The following CELF2 variants were observed in gnomAD, a reference collection of about 807,000 sequenced individuals.
CELF2 encodes CUGBP Elav-like family member 2, also known as CUG triplet repeat RNA-binding protein 2.
A neutral mutation model predicts 62.6 loss-of-function variants in CELF2; 8 were observed. That is an observed-to-expected ratio of 0.13 (90% confidence interval 0.07 to 0.23). CELF2 has a LOEUF of 0.23. Ranked by LOEUF, CELF2 falls within the 10% of genes least tolerant of loss-of-function variation. The pLI is 1.00. For missense variants in CELF2, 333 were observed against 671.0 expected (o/e 0.50, Z 5.56); for synonymous variants, 258 against 250.0 (o/e 1.03, Z -0.30).
the CELF2 span, among the ~76,000 whole-genome samples, chr10:10,721,268 A>C: frequency 1.3e-5 from 2 of 152,246 alleles, no homozygotes; most frequent in Non-Finnish European, 2.9e-5. Flanking sequence ...AATCTTTAAA[A>C]GTAGCCAAAT....
chr10:10,880,640 G>T (rs1036343630), intron 1 of CELF2, among the ~76,000 whole-genome samples: 1 of 152,132 alleles, frequency 6.6e-6, no homozygotes, highest in Non-Finnish European at 1.5e-5. Context: ...GCTAAGAAGC[G>T]AACAGACTGG....
rs756810862 is a variant in CELF2 at position 11,137,660 on chromosome 10, C to T, written c.75-27826C>T. Among the ~76,000 whole-genome samples, 3 of 152,106 alleles carry T rather than the reference C, an allele frequency of 2.0e-5. No individual in the cohort carries two copies. In the East Asian group the frequency reaches 5.8e-4, roughly 29 times the overall value. On this transcript the variant is annotated intron_variant, in intron 1 of 12. Transcript: ENST00000633077. ...TTATTGACTCTCATTACATCATCAT[C>T]ATTTTCTCAGTTAGTTAAAAGAGCC...
At position 11,242,842 on chromosome 10, in the gene CELF2, A is replaced by T. The variant is rs540999167; in HGVS notation, c.355-6311A>T. On this transcript the variant is annotated intron_variant, in intron 3 of 12. Coordinates refer to ENST00000633077, the MANE Select transcript of CELF2 (RefSeq NM_001326342.2). The surrounding 1 kb of genome is among the most constrained non-coding windows in gnomAD (Gnocchi z 4.8). ...GGACCATGGGCTGCTTATCCCCAGG[A>T]GGTGGGACGAAGGGGGAGGCCTGAT... 2.6e-5 allele frequency among the ~76,000 whole-genome samples: 4 copies of T among 152,074 alleles called. No homozygotes were observed. The highest frequency in any genetic ancestry group is 1.3e-4 in the Admixed American group (2 of 15,254).
chr10:11,230,516 T>A (rs1589458413), intron 3 of CELF2, among the ~76,000 whole-genome samples: 1 of 152,222 alleles, frequency 6.6e-6, no homozygotes, highest in Non-Finnish European at 1.5e-5. Context: ...AGAGAGATCC[T>A]CTGGAGAGGC....
intron 1 of CELF2, among the ~76,000 whole-genome samples, chr10:11,059,201 C>T (rs1223404365): frequency 6.6e-6 from 1 of 152,216 alleles, no homozygotes; most frequent in African/African-American, 2.4e-5. Context: ...TTCACCATGG[C>T]TCATCACATG....
At chr10:10,466,349 C>T in the CELF2 span, among the ~76,000 whole-genome samples, 1 of 152,078 alleles carries the variant, frequency 6.6e-6, no homozygotes, top group Non-Finnish European at 1.5e-5. Context: ...ATTTTGCGTA[C>T]TGACTTTCAG....
chr10:11,066,189 A>G (rs2068106244), intron 1 of CELF2, among the ~76,000 whole-genome samples: 1 of 152,198 alleles, frequency 6.6e-6, no homozygotes, highest in East Asian at 1.9e-4. Flanking sequence ...CAGAAGAATG[A>G]GCTGGCTTCA....
chr10:11,245,099 G>A (rs4750033), intron 3 of CELF2, among the ~76,000 whole-genome samples: 31,658 of 152,136 alleles, frequency 0.21, 3,605 homozygotes, highest in South Asian at 0.33. Context: ...GTGAATAAAC[G>A]AGCAGTCATA....
At chr10:10,700,528 T>C in the CELF2 span, among the ~76,000 whole-genome samples, 2 of 152,286 alleles carry the variant, frequency 1.3e-5, no homozygotes, top group African/African-American at 2.4e-5. Context: ...GCCCCATACC[T>C]GTACCAAGGC....
intron 7 of CELF2, among the ~76,000 whole-genome samples, chr10:11,271,725 G>GTC (rs1158692262): frequency 6.6e-6 from 1 of 152,060 alleles, no homozygotes; most frequent in African/African-American, 2.4e-5. Context: ...CTCTGTGTGT[G>GTC]TGTGTGTGTG....
intron 8 of CELF2, among the ~76,000 whole-genome samples, chr10:11,288,169 A>G (rs1201348430): frequency 2.6e-5 from 4 of 152,206 alleles, no homozygotes; most frequent in Admixed American, 6.5e-5. Flanking sequence ...AGGGAGAACT[A>G]CGGGGTGGGA....
chr10:10,954,906 T>C (rs2048731613), intron 2 of CELF2, among the ~76,000 whole-genome samples: 1 of 151,942 alleles, frequency 6.6e-6, no homozygotes, highest in Non-Finnish European at 1.5e-5. Context: ...GAGAAAAAAA[T>C]AATATGCTCA....
chr10:10,539,101 C>T, the CELF2 span, among the ~76,000 whole-genome samples: 3 of 152,080 alleles, frequency 2.0e-5, no homozygotes, highest in African/African-American at 7.2e-5. Flanking sequence ...GGCATCAGCC[C>T]TAAAGTAATT....
the CELF2 span, among the ~76,000 whole-genome samples, chr10:10,758,878 G>A: frequency 6.6e-6 from 1 of 152,194 alleles, no homozygotes; most frequent in Admixed American, 6.5e-5. Context: ...GCCTCACTGT[G>A]TTTCTTTAAG....
At position 11,255,046 on chromosome 10, in the gene CELF2, C is replaced by T. The variant is rs1036022791; in HGVS notation, c.404-2692C>T. On this transcript the variant is annotated intron_variant, in intron 4 of 12. Transcript: ENST00000633077. The surrounding 1 kb of genome is among the most constrained non-coding windows in gnomAD (Gnocchi z 5.5). The stretch of plus-strand genomic sequence containing the variant: ...GACGGCCTGCAGCAGGTGGTGTGGA[C>T]GGCCTGCAGGTACACTCGTTGCCCA... Among the ~76,000 whole-genome samples, 15 of 152,142 alleles carry T rather than the reference C, an allele frequency of 9.9e-5. No individual in the cohort carries two copies. Among genetic ancestry groups the T allele is most frequent in the African/African-American group, 3.1e-4 (13 of 41,420 alleles).
intron 8 of CELF2, among the ~76,000 whole-genome samples, chr10:11,284,122 G>A (rs1315757517): frequency 1.5e-5 from 2 of 133,000 alleles, no homozygotes; most frequent in South Asian, 2.6e-4. Flanking sequence ...TGTGGTAGGT[G>A]GATGATGGAT....
intron 1 of CELF2, among the ~76,000 whole-genome samples, chr10:11,080,729 G>A (rs950931823): frequency 6.6e-6 from 1 of 152,216 alleles, no homozygotes; most frequent in African/African-American, 2.4e-5. Context: ...TAAGACTTCT[G>A]TGATAAGCCC....
At chr10:11,026,148 G>A (rs1479328728) in intron 1 of CELF2, among the ~76,000 whole-genome samples, 1 of 152,186 alleles carries the variant, frequency 6.6e-6, no homozygotes, top group African/African-American at 2.4e-5. Flanking sequence ...ACGGTCCTCC[G>A]CGGACCACAC....
At chr10:10,616,575 T>C in the CELF2 span, among the ~76,000 whole-genome samples, 1 of 151,970 alleles carries the variant, frequency 6.6e-6, no homozygotes, top group Non-Finnish European at 1.5e-5. Flanking sequence ...CTTGGCATTA[T>C]GCACTCAAGA....
Sources: allele counts gnomAD v4.1 joint callset (sites outside exome capture counted in the v4.1 genomes callset), GRCh38; gene constraint gnomAD v4.1.1; non-coding constraint Gnocchi (gnomAD v3.1); transcripts MANE v1.5; gene names NCBI Gene and HGNC (gene_info 2026-07-23, HGNC 2026-07-21).